The following EPB41L4A variants were observed in gnomAD, a reference collection of about 807,000 sequenced individuals.
The protein encoded by EPB41L4A is erythrocyte membrane protein band 4.1 like 4A, also known as band 4.1-like protein 4A.
A neutral mutation model predicts 108.6 loss-of-function variants in EPB41L4A; 100 were observed. The ratio of observed to expected loss-of-function variants is 0.92; its 90% confidence interval spans 0.78 to 1.09. The LOEUF is 1.09. Ranked by LOEUF, EPB41L4A falls within the 50% of genes least tolerant of loss-of-function variation. The pLI, the probability that EPB41L4A is intolerant of heterozygous loss-of-function variation, is 0.00. For missense variants in EPB41L4A, 1,030 were observed against 842.7 expected (o/e 1.22, Z -2.75); for synonymous variants, 319 against 289.0 (o/e 1.10, Z -1.05).
At chr5:112,257,330 G>A (rs1396062640) in intron 9 of EPB41L4A, 1 of 152,030 alleles carries the variant, frequency 6.6e-6, no homozygotes, top group Non-Finnish European at 1.5e-5. Context: ...TATATGACCT[G>A]CTTTGTCACC....
At chr5:112,225,808 C>T (rs1040449476) in intron 12 of EPB41L4A, among the ~76,000 whole-genome samples, 1 of 152,198 alleles carries the variant, frequency 6.6e-6, no homozygotes, top group African/African-American at 2.4e-5. Context: ...AAATGTAACA[C>T]ATTCTTTCTT....
At chr5:112,411,231 G>A (rs1375513721) in intron 1 of EPB41L4A, among the ~76,000 whole-genome samples, 1 of 152,062 alleles carries the variant, frequency 6.6e-6, no homozygotes, top group Non-Finnish European at 1.5e-5. Context: ...AAGGAAGTTG[G>A]GACTACAGGT....
intron 12 of EPB41L4A, among the ~76,000 whole-genome samples, chr5:112,232,669 G>A (rs1438486681): frequency 1.3e-5 from 2 of 152,136 alleles, no homozygotes; most frequent in Admixed American, 6.5e-5. Context: ...ATGTCATAAT[G>A]CTAGGTCAAT....
intron 18 of EPB41L4A, among the ~76,000 whole-genome samples, chr5:112,181,264 A>C (rs1051559216): frequency 6.6e-6 from 1 of 151,286 alleles, no homozygotes. Context: ...ATCCTGGCTA[A>C]CACGGTGAAA....
chr5:112,151,800 A>AG (rs1319529210), intron 12 of EPB41L4A, among the ~76,000 whole-genome samples: 3 of 151,538 alleles, frequency 2.0e-5, no homozygotes, highest in Non-Finnish European at 4.4e-5. Flanking sequence ...GCACGATCTC[A>AG]GCTCACTGCA....
intron 22 of EPB41L4A, among the ~76,000 whole-genome samples, chr5:112,168,459 C>G (rs893690031): frequency 1.3e-5 from 2 of 152,144 alleles, no homozygotes; most frequent in Non-Finnish European, 2.9e-5. Flanking sequence ...ACAATTGTTT[C>G]TTTATTCTGG....
intron 1 of EPB41L4A, among the ~76,000 whole-genome samples, chr5:112,316,618 A>T (rs6860601): frequency 0.53 from 81,152 of 151,966 alleles, 23,243 homozygotes; most frequent in African/African-American, 0.74. Context: ...TTCTAGGTGC[A>T]ATTAATATTT....
intron 1 of EPB41L4A, among the ~76,000 whole-genome samples, chr5:112,386,708 A>T (rs527742374): frequency 6.9e-4 from 105 of 152,346 alleles, no homozygotes; most frequent in African/African-American, 2.5e-3. Context: ...AATACAGGAC[A>T]CAGCTCAAAA....
chr5:112,193,215 T>C (rs920210201), intron 17 of EPB41L4A, among the ~76,000 whole-genome samples: 2 of 152,220 alleles, frequency 1.3e-5, no homozygotes, highest in Non-Finnish European at 2.9e-5. Context: ...CTGATTCAAT[T>C]TGTGCCAAGC....
intron 18 of EPB41L4A, among the ~76,000 whole-genome samples, chr5:112,174,283 G>T (rs528959587): frequency 1.3e-5 from 2 of 152,302 alleles, no homozygotes; most frequent in South Asian, 4.1e-4. Context: ...ATGATCTGCA[G>T]CTCAGTGTTA....
chr5:112,372,578 C>A (rs1395118498), intron 1 of EPB41L4A, among the ~76,000 whole-genome samples: 1 of 152,112 alleles, frequency 6.6e-6, no homozygotes, highest in Non-Finnish European at 1.5e-5. Context: ...GTATAGGATA[C>A]ATTTCAGAAA....
intron 1 of EPB41L4A, among the ~76,000 whole-genome samples, chr5:112,326,239 A>G (rs2150644864): frequency 6.6e-6 from 1 of 152,228 alleles, no homozygotes; most frequent in East Asian, 1.9e-4. Context: ...TAACATCCCC[A>G]GGATCAGGTG....
At chr5:112,278,700 T>C (rs1040214874) in intron 3 of EPB41L4A, among the ~76,000 whole-genome samples, 20 of 152,078 alleles carry the variant, frequency 1.3e-4, no homozygotes, top group African/African-American at 4.6e-4. Context: ...ATAATTAACA[T>C]TTTTTCATCA....
At chr5:112,360,563 G>C (rs986162343) in intron 1 of EPB41L4A, among the ~76,000 whole-genome samples, 6 of 152,054 alleles carry the variant, frequency 3.9e-5, no homozygotes, top group African/African-American at 1.2e-4. Flanking sequence ...ACGGAGTCTC[G>C]CTCACTCAGT....
At chr5:112,271,506 A>G in intron 4 of EPB41L4A, among the ~76,000 whole-genome samples, 2 of 152,240 alleles carry the variant, frequency 1.3e-5, no homozygotes, top group East Asian at 3.8e-4. Flanking sequence ...ACAAAAGGCT[A>G]TGCAATCTTC....
At chr5:112,259,323 GT>G (rs1561518306) in intron 8 of EPB41L4A, 31 bp from the exon 9 acceptor site, 4 of 1,585,118 alleles carry the variant, frequency 2.5e-6, no homozygotes, top group Non-Finnish European at 2.6e-6. Flanking sequence ...TGTTGCTGCT[GT>G]TTTTAAGTAT....
chr5:112,373,093 A>G (rs1280994077), intron 1 of EPB41L4A, among the ~76,000 whole-genome samples: 1 of 152,222 alleles, frequency 6.6e-6, no homozygotes, highest in African/African-American at 2.4e-5. Flanking sequence ...AGGAATACAG[A>G]TCCCCACACT....
At chr5:112,375,074 T>C (rs1759726485) in intron 1 of EPB41L4A, among the ~76,000 whole-genome samples, 1 of 152,158 alleles carries the variant, frequency 6.6e-6, no homozygotes, top group Admixed American at 6.5e-5. Context: ...CAGAATCTCC[T>C]AGTGCAGGAA....
downstream of EPB41L4A, chr5:112,161,551 C>T (rs749768738): frequency 9.6e-6 from 5 of 519,108 alleles, no homozygotes; most frequent in African/African-American, 7.7e-5. Context: ...GTAAATTAAA[C>T]GCTTTGCAGC....
Sources: allele counts gnomAD v4.1 joint callset (sites outside exome capture counted in the v4.1 genomes callset), GRCh38; gene constraint gnomAD v4.1.1; transcripts MANE v1.5; gene names NCBI Gene and HGNC (gene_info 2026-07-23, HGNC 2026-07-21).